Variants in SLC9A9 observed in about 807,000 individuals in gnomAD.
SLC9A9 encodes the protein sodium/hydrogen exchanger 9.
Under a neutral mutation model 77.8 loss-of-function variants are expected in SLC9A9, and 62 were observed. The ratio of observed to expected loss-of-function variants is 0.80; its 90% CI spans 0.65 to 0.98. SLC9A9 has a LOEUF of 0.98. Among genes scored for constraint, SLC9A9 ranks in the 50% least tolerant of loss-of-function variants. SLC9A9 has a pLI of 0.00. For synonymous variants in SLC9A9, 320 were observed against 283.5 expected (o/e 1.13, Z -1.29); for missense variants, 775 against 774.9 (o/e 1.00, Z 0.00).
intron 6 of SLC9A9, among the ~76,000 whole-genome samples, chr3:143,616,510 T>C (rs1347025810): frequency 6.6e-6 from 1 of 152,148 alleles, no homozygotes; most frequent in Admixed American, 6.5e-5. Flanking sequence ...GATTATGGCA[T>C]TAAAAAGGGT....
chr3:143,482,078 G>T (rs1199137246), intron 11 of SLC9A9, among the ~76,000 whole-genome samples: 5 of 152,190 alleles, frequency 3.3e-5, no homozygotes, highest in Non-Finnish European at 7.3e-5. Context: ...CTTAAAAACT[G>T]TGCTTCTATA....
At chr3:143,742,692 A>C (rs1935102449) in intron 4 of SLC9A9, among the ~76,000 whole-genome samples, 1 of 152,196 alleles carries the variant, frequency 6.6e-6, no homozygotes, top group Non-Finnish European at 1.5e-5. Context: ...AAAACTAGGA[A>C]AGTCAAATAA....
At chr3:143,726,096 C>A (rs1028002165) in intron 4 of SLC9A9, among the ~76,000 whole-genome samples, 6 of 151,124 alleles carry the variant, frequency 4.0e-5, no homozygotes, top group African/African-American at 1.5e-4. Flanking sequence ...ATTTTAATAG[C>A]TCATTAAAAT....
At chr3:143,282,146 A>G (rs530854322) in intron 14 of SLC9A9, among the ~76,000 whole-genome samples, 1 of 152,166 alleles carries the variant, frequency 6.6e-6, no homozygotes, top group East Asian at 1.9e-4. Context: ...ACTCTCTCTT[A>G]CATTCTAATT....
chr3:143,757,222 C>T (rs1316889043), intron 4 of SLC9A9, among the ~76,000 whole-genome samples: 1 of 152,074 alleles, frequency 6.6e-6, no homozygotes, highest in Non-Finnish European at 1.5e-5. Context: ...AGATTTGCGA[C>T]ACCTAAATCA....
At chr3:143,395,218 C>A (rs1308977278) in intron 12 of SLC9A9, among the ~76,000 whole-genome samples, 1 of 152,112 alleles carries the variant, frequency 6.6e-6, no homozygotes, top group Non-Finnish European at 1.5e-5. Context: ...GCTACAGTAA[C>A]CAAAACAGCA....
chr3:143,409,635 C>T (rs1444540167), intron 12 of SLC9A9, among the ~76,000 whole-genome samples: 1 of 152,220 alleles, frequency 6.6e-6, no homozygotes, highest in Admixed American at 6.5e-5. Context: ...AGTAGAAGCA[C>T]AGGATAGAAG....
At position 143,611,802 on chromosome 3, in the gene SLC9A9, T is replaced by C. The variant is rs983559962; in HGVS notation, c.756-33079A>G. Among the ~76,000 whole-genome samples, 9 of 152,306 alleles carry C rather than the reference T, an allele frequency of 5.9e-5. 1 individual carries two copies. Among genetic ancestry groups the C allele is most frequent in the African/African-American group, 2.2e-4 (9 of 41,560 alleles). On this transcript the variant is annotated intron_variant, in intron 6 of 15. Coordinates refer to ENST00000316549, the MANE Select transcript of SLC9A9 (RefSeq NM_173653.4). ...AAGTTGGAGTGCAGTGATCCGATCATGGCTCACTCCAGTCCCGACCTCCTG... is the reference window on the plus strand; with the variant it reads ...AAGTTGGAGTGCAGTGATCCGATCACGGCTCACTCCAGTCCCGACCTCCTG...
intron 12 of SLC9A9, among the ~76,000 whole-genome samples, chr3:143,428,768 CTGT>C (rs2034452142): frequency 6.6e-6 from 1 of 152,124 alleles, no homozygotes; most frequent in African/African-American, 2.4e-5. Context: ...GAATGAAATC[CTGT>C]TATTAGTGGC....
chr3:143,413,688 C>T (rs991147162), intron 12 of SLC9A9, among the ~76,000 whole-genome samples: 51 of 152,172 alleles, frequency 3.4e-4, no homozygotes, highest in Non-Finnish European at 1.2e-4. Flanking sequence ...CTTGTGAGCC[C>T]CTTGAAGTAG....
chr3:143,368,637 T>A (rs2032970529), intron 13 of SLC9A9, among the ~76,000 whole-genome samples: 1 of 152,196 alleles, frequency 6.6e-6, no homozygotes, highest in Non-Finnish European at 1.5e-5. Context: ...TCATAATAAA[T>A]CTGCAGAGCT....
intron 8 of SLC9A9, among the ~76,000 whole-genome samples, chr3:143,560,837 G>C (rs2037072222): frequency 1.3e-5 from 2 of 152,016 alleles, no homozygotes; most frequent in African/African-American, 4.8e-5. Context: ...AAAAGCATAG[G>C]CTAAATAAAT....
At chr3:143,319,609 C>A (rs2031343635) in intron 14 of SLC9A9, among the ~76,000 whole-genome samples, 1 of 152,154 alleles carries the variant, frequency 6.6e-6, no homozygotes, top group Non-Finnish European at 1.5e-5. Flanking sequence ...TTTCTGGAAC[C>A]AGCCTCTGAA....
At chr3:143,831,936 T>TTTTA in intron 2 of SLC9A9, 83 bp downstream of exon 2, 1 of 1,255,008 alleles carries the variant, frequency 8.0e-7, no homozygotes, top group African/African-American at 1.5e-5. Context: ...TGTGAATGCA[T>TTTTA]TATATAAAAA....
At chr3:143,633,158 T>C (rs990242734) in intron 6 of SLC9A9, among the ~76,000 whole-genome samples, 2 of 152,224 alleles carry the variant, frequency 1.3e-5, no homozygotes, top group Non-Finnish European at 2.9e-5. Context: ...CCAACTCTTA[T>C]GCTAGTTATA....
chr3:143,356,317 A>G (rs2032583831), intron 14 of SLC9A9, among the ~76,000 whole-genome samples: 1 of 152,210 alleles, frequency 6.6e-6, no homozygotes, highest in Non-Finnish European at 1.5e-5. Context: ...TGTTTTAATA[A>G]CTAGCCAACT....
chr3:143,758,595 G>A (rs2007007818), intron 4 of SLC9A9, among the ~76,000 whole-genome samples: 1 of 152,086 alleles, frequency 6.6e-6, no homozygotes, highest in African/African-American at 2.4e-5. Flanking sequence ...TGGGGGTAGT[G>A]GTGTGGGAAT....
intron 5 of SLC9A9, among the ~76,000 whole-genome samples, chr3:143,682,794 T>C (rs1933143614): frequency 6.6e-6 from 1 of 152,138 alleles, no homozygotes; most frequent in South Asian, 2.1e-4. Flanking sequence ...AGCAACATTA[T>C]ATCTTTCTGC....
At chr3:143,833,455 G>A (rs2009490774) in intron 1 of SLC9A9, among the ~76,000 whole-genome samples, 1 of 152,212 alleles carries the variant, frequency 6.6e-6, no homozygotes, top group Admixed American at 6.5e-5. Flanking sequence ...TAGACAGGGG[G>A]TATTCCGAAG....
Sources: gnomAD v4.1 joint callset for allele counts (sites outside exome capture counted in the v4.1 genomes callset) on GRCh38, gnomAD v4.1.1 for gene constraint, MANE v1.5 for transcripts, NCBI Gene and HGNC (gene_info 2026-07-23, HGNC 2026-07-21) for gene names.